The following NELFB variants were observed in gnomAD, a reference collection of about 807,000 sequenced individuals.
NELFB encodes the protein negative elongation factor B.
Under a neutral mutation model 60.2 loss-of-function variants are expected in NELFB, and 34 were observed. The ratio of observed to expected loss-of-function variants is 0.56; its 90% CI spans 0.43 to 0.75. NELFB has a LOEUF of 0.75. NELFB is among the 30% of genes least tolerant of loss of function. The pLI, the probability that NELFB is intolerant of heterozygous loss-of-function variation, is 0.00. For synonymous variants in NELFB, 459 were observed against 382.1 expected, an observed-to-expected ratio of 1.20 and a Z score of -2.35; for missense variants, 770 against 831.6, an observed-to-expected ratio of 0.93 and a Z score of 0.91.
intron 6 of NELFB, among the ~76,000 whole-genome samples, 160 bp downstream of exon 6, chr9:137,264,517 G>A (rs535464372): frequency 1.3e-5 from 2 of 152,374 alleles, no homozygotes; most frequent in East Asian, 3.9e-4. Flanking sequence ...CCAGGATGGA[G>A]TGCAGTGGTG....
intron 4 of NELFB, among the ~76,000 whole-genome samples, chr9:137,258,449 A>ATTTT (rs535031200): frequency 7.7e-6 from 1 of 129,382 alleles, no homozygotes; most frequent in Admixed American, 7.9e-5. Context: ...TAATTAGCCA[A>ATTTT]TTTTTTTTTT....
Position 137,267,009 on chromosome 9 carries a change from C to G in NELFB, c.1305C>G (p.Phe435Leu). 6.2e-7 allele frequency: 1 copy of G among 1,614,064 alleles called. No individual in the cohort carries two copies. Among genetic ancestry groups the G allele is most frequent in the Non-Finnish European group, 8.5e-7 (1 of 1,180,012 alleles). Residue 435 changes from phenylalanine (F) to leucine (L), a missense_variant, in exon 9 of 13, where the codon TTC becomes TTG. Transcript: ENST00000343053. Reference sequence around the variant, plus strand: ...CCTTCCTGGTGGATGACTACACTTTCAATGTGGATCAGAAACTTCCGGCTG... The same window carrying G: ...CCTTCCTGGTGGATGACTACACTTTGAATGTGGATCAGAAACTTCCGGCTG...
chr9:137,263,289 C>G, intron 5 of NELFB, 67 bp downstream of exon 5: 2 of 1,453,554 alleles, frequency 1.4e-6, no homozygotes, highest in South Asian at 1.2e-5. Flanking sequence ...TCCCTCCTTC[C>G]CTCCCACTCC....
Position 137,266,487 on chromosome 9 carries a change from G to T in NELFB, c.1239+61G>T. The T allele has an allele frequency of 4.1e-6, 6 of 1,447,698 alleles. No homozygotes were observed. In the South Asian group the frequency reaches 7.0e-5, roughly 17 times the overall value. The allele number at this position is 1,447,698 out of a possible 1,614,324, so 89.7% of individuals were successfully genotyped here. On this transcript the variant is annotated intron_variant, in intron 8 of 12. Transcript: ENST00000343053. ...CGAGGGGTTGTGGGCTGGAAGTGGG[G>T]TGGAGGGGGAGGCGCTAGCAAGGTG...
intron 4 of NELFB, among the ~76,000 whole-genome samples, chr9:137,262,585 G>T (rs1471063665): frequency 6.6e-6 from 1 of 152,230 alleles, no homozygotes; most frequent in Non-Finnish European, 1.5e-5. Context: ...TCATATCTAT[G>T]ATCTATATCT....
chr9:137,272,487 C>A lies in NELFB; in HGVS notation c.1632-20C>A, dbSNP rs371423197. ...CAGCAGGGCCTGCCTCCTGCCCCAG[C>A]CCTGCACGGCCTTTTCCAGGAAGGA... On this transcript the variant is annotated intron_variant, in intron 11 of 12. Coordinates refer to ENST00000343053, the MANE Select transcript of NELFB (RefSeq NM_015456.5). 7 of 1,604,194 alleles carry A rather than the reference C, an allele frequency of 4.4e-6. No individual in the cohort carries two copies. The highest frequency in any genetic ancestry group is 5.1e-6 in the Non-Finnish European group (6 of 1,174,958).
chr9:137,256,171 C>T (rs1300564464), intron 2 of NELFB, 101 bp downstream of exon 2: 4 of 1,425,686 alleles, frequency 2.8e-6, no homozygotes, highest in Admixed American at 1.7e-5. Context: ...CACATCCTTG[C>T]TCCCAGAGGT....
chr9:137,270,229 C>A (rs893055603), intron 10 of NELFB, among the ~76,000 whole-genome samples: 1 of 147,550 alleles, frequency 6.8e-6, no homozygotes, highest in Non-Finnish European at 1.5e-5. Flanking sequence ...TGCAGTGAAT[C>A]GAGATCACGG....
rs117994964 is a variant in NELFB at position 137,259,150 on chromosome 9, C to T, written c.741+2096C>T. On this transcript the variant is annotated intron_variant, in intron 4 of 12. Coordinates refer to ENST00000343053, the MANE Select transcript of NELFB (RefSeq NM_015456.5). ...AGGCTGCAGTGAGGTATGATTGAGC[C>T]ACTGCACTCCAACCTGGGCGACAGA... is the stretch of plus-strand genomic sequence containing the variant. Among the ~76,000 whole-genome samples, 5 of 152,274 alleles carry T rather than the reference C, an allele frequency of 3.3e-5. No individual in the cohort carries two copies. In the East Asian group the frequency reaches 9.6e-4, roughly 29 times the overall value.
chr9:137,266,297 C>A (rs757022638), intron 7 of NELFB, 34 bp from the exon 8 acceptor site: 9 of 1,586,036 alleles, frequency 5.7e-6, no homozygotes, highest in Admixed American at 1.7e-5. Context: ...GACACAGCTG[C>A]CTGGGAGAGG....
chr9:137,268,757 CAG>C (rs1830549183), intron 10 of NELFB, among the ~76,000 whole-genome samples: 1 of 151,922 alleles, frequency 6.6e-6, no homozygotes, highest in South Asian at 2.1e-4. Flanking sequence ...AGATGAGAGA[CAG>C]AGACACACAG....
At chr9:137,270,314 G>A (rs1830568881) in intron 10 of NELFB, among the ~76,000 whole-genome samples, 1 of 150,460 alleles carries the variant, frequency 6.6e-6, no homozygotes, top group African/African-American at 2.4e-5. Context: ...CGGGGAGCCG[G>A]GCTTGGTGGC....
chr9:137,268,887 A>G (rs1410242425), intron 10 of NELFB, among the ~76,000 whole-genome samples: 3 of 152,136 alleles, frequency 2.0e-5, no homozygotes, highest in Admixed American at 6.5e-5. Flanking sequence ...TGAGAGACAC[A>G]GGACAGAGAC....
intron 4 of NELFB, among the ~76,000 whole-genome samples, chr9:137,260,226 A>AT (rs1368114761): frequency 3.0e-5 from 4 of 131,216 alleles, no homozygotes; most frequent in Non-Finnish European, 6.5e-5. Flanking sequence ...TGTTTTTTGT[A>AT]TTTTTAGTAG....
At chr9:137,264,380 C>T (rs1830493755) in intron 6 of NELFB, 23 bp downstream of exon 6, 5 of 1,537,396 alleles carry the variant, frequency 3.3e-6, no homozygotes, top group Non-Finnish European at 4.4e-6. Context: ...TCCACGAGGC[C>T]TCTGCCCCTC....
chr9:137,267,177 G>A (rs1830530208), intron 9 of NELFB, 63 bp from the exon 10 acceptor site: 20 of 1,604,490 alleles, frequency 1.2e-5, no homozygotes, highest in Middle Eastern at 1.8e-4. Context: ...GGCAGGGGTC[G>A]GTGTGGGGCT....
intron 10 of NELFB, among the ~76,000 whole-genome samples, chr9:137,268,828 A>C (rs1181796007): frequency 6.6e-6 from 1 of 152,192 alleles, no homozygotes; most frequent in East Asian, 1.9e-4. Context: ...CAGAGAGATG[A>C]GAGACAGGTA....
chr9:137,259,493 C>G lies in NELFB; in HGVS notation c.741+2439C>G, dbSNP rs564214609. 3.9e-5 allele frequency among the ~76,000 whole-genome samples: 6 copies of G among 152,244 alleles called. 1 individual carries two copies. Among genetic ancestry groups the G allele is most frequent in the Admixed American group, 3.9e-4 (6 of 15,290 alleles). On this transcript the variant is annotated intron_variant, in intron 4 of 12. Coordinates refer to ENST00000343053, the MANE Select transcript of NELFB (RefSeq NM_015456.5). ...TGCTGTCAGACAGAGCCCTTGGACC[C>G]CTCTGCTAACTGTGGGGTGCCCTGC...
chr9:137,256,881 G>A lies in NELFB; in HGVS notation c.568G>A (p.Ala190Thr), dbSNP rs1180473743. ...TGACAAGGAGCTGTATCGAGCCTGC[G>A]CCGTGGAGGTGAAGCGGCAGATCTG... Residue 190 changes from alanine (A) to threonine (T), a missense_variant, in exon 4 of 13, where the codon GCC (alanine) becomes ACC (threonine). By Grantham distance (58) the Ala-to-Thr change is moderately conservative. Transcript: ENST00000343053. 4 of 1,614,222 alleles carry A rather than the reference G, an allele frequency of 2.5e-6. No homozygotes were observed. The highest frequency in any genetic ancestry group is 2.5e-6 in the Non-Finnish European group (3 of 1,180,052).
Sources: gnomAD v4.1 joint callset for allele counts (sites outside exome capture counted in the v4.1 genomes callset) on GRCh38, gnomAD v4.1.1 for gene constraint, MANE v1.5 for transcripts, NCBI Gene and HGNC (gene_info 2026-07-23, HGNC 2026-07-21) for gene names.